The following OSBPL10 variants were observed in gnomAD, a reference collection of about 807,000 sequenced individuals.
The protein encoded by OSBPL10 is oxysterol binding protein like 10, also known as oxysterol-binding protein-related protein 10.
A neutral mutation model predicts 81.7 loss-of-function variants in OSBPL10; 49 were observed. The observed-to-expected ratio is 0.60, with a 90% CI of 0.48 to 0.76. The LOEUF is 0.76. Among genes scored for constraint, OSBPL10 ranks in the 30% least tolerant of loss-of-function variants. The pLI, the probability that OSBPL10 is intolerant of heterozygous loss-of-function variation, is 0.00. For synonymous variants in OSBPL10, 419 were observed against 383.6 expected (o/e 1.09, Z -1.08); for missense variants, 923 against 987.8 (o/e 0.93, Z 0.88).
chr3:31,711,321 G>A (rs114888138), intron 6 of OSBPL10, among the ~76,000 whole-genome samples: 1 of 152,332 alleles, frequency 6.6e-6, no homozygotes, highest in African/African-American at 2.4e-5. Flanking sequence ...GGACGTAGAG[G>A]CCATATACAA....
intron 2 of OSBPL10, among the ~76,000 whole-genome samples, chr3:32,023,797 C>T (rs1699379055): frequency 6.6e-6 from 1 of 152,026 alleles, no homozygotes; most frequent in African/African-American, 2.4e-5. Context: ...AGTACAGAAC[C>T]CTATACATTC....
chr3:31,849,622 T>C (rs1232196348), intron 3 of OSBPL10, among the ~76,000 whole-genome samples: 2 of 152,204 alleles, frequency 1.3e-5, no homozygotes, highest in African/African-American at 4.8e-5. Context: ...GAGATTGCTA[T>C]AACGTTGTTA....
At chr3:31,972,340 G>A (rs1263018420) in intron 1 of OSBPL10, among the ~76,000 whole-genome samples, 2 of 152,202 alleles carry the variant, frequency 1.3e-5, no homozygotes, top group African/African-American at 4.8e-5. Flanking sequence ...AGTGAGTGGA[G>A]ATCACGCCAC....
chr3:31,924,601 T>C (rs1445893974), intron 1 of OSBPL10, among the ~76,000 whole-genome samples: 1 of 152,176 alleles, frequency 6.6e-6, no homozygotes, highest in Non-Finnish European at 1.5e-5. Context: ...GAAACTATCT[T>C]AATCGGAGTA....
At chr3:31,814,433 G>T (rs1026635212) in intron 4 of OSBPL10, among the ~76,000 whole-genome samples, 1 of 152,180 alleles carries the variant, frequency 6.6e-6, no homozygotes, top group Non-Finnish European at 1.5e-5. Flanking sequence ...GATGTAATTA[G>T]TTAAGATTTG....
intron 4 of OSBPL10, among the ~76,000 whole-genome samples, chr3:31,797,120 G>A (rs960857972): frequency 4.0e-5 from 6 of 149,146 alleles, no homozygotes; most frequent in East Asian, 2.0e-4. Context: ...TCAGCCTCTC[G>A]AGTAGCTGGG....
At chr3:31,672,937 T>C (rs566915189) in intron 8 of OSBPL10, among the ~76,000 whole-genome samples, 17 of 152,310 alleles carry the variant, frequency 1.1e-4, no homozygotes, top group African/African-American at 4.1e-4. Context: ...ATTGAGTACA[T>C]TTAATGCAAA....
chr3:31,861,905 G>A (rs1019591796), intron 3 of OSBPL10, among the ~76,000 whole-genome samples: 5 of 152,078 alleles, frequency 3.3e-5, no homozygotes, highest in African/African-American at 1.2e-4. Context: ...CTGGAAGCCT[G>A]GATTTTGCTG....
intron 6 of OSBPL10, chr3:31,721,307 G>A (rs1696637131): frequency 6.6e-6 from 1 of 152,228 alleles, no homozygotes; most frequent in South Asian, 2.1e-4. Flanking sequence ...AGAACTGCAA[G>A]AGAATACATT....
intron 5 of OSBPL10, among the ~76,000 whole-genome samples, chr3:31,740,842 G>A (rs569837837): frequency 1.0e-5 from 1 of 97,792 alleles, no homozygotes; most frequent in South Asian, 2.7e-4. Context: ...AACTTAATAT[G>A]ACCACTACTA....
At chr3:31,921,255 C>G (rs908620897) in intron 1 of OSBPL10, among the ~76,000 whole-genome samples, 1 of 152,040 alleles carries the variant, frequency 6.6e-6, no homozygotes, top group East Asian at 1.9e-4. Context: ...TTTATGTCAG[C>G]TAAGAGGACC....
At chr3:31,777,200 T>C (rs540788285) in intron 4 of OSBPL10, among the ~76,000 whole-genome samples, 1 of 152,346 alleles carries the variant, frequency 6.6e-6, no homozygotes, top group East Asian at 1.9e-4. Context: ...TCAGATGACA[T>C]GCCCCTGGCT....
intron 4 of OSBPL10, among the ~76,000 whole-genome samples, chr3:31,808,496 C>T (rs896554656): frequency 1.3e-5 from 2 of 152,160 alleles, no homozygotes; most frequent in Non-Finnish European, 2.9e-5. Context: ...AATATGAGAA[C>T]AAGCAAATAC....
At chr3:31,743,045 T>G (rs896233303) in intron 5 of OSBPL10, among the ~76,000 whole-genome samples, 5 of 144,418 alleles carry the variant, frequency 3.5e-5, no homozygotes, top group East Asian at 2.0e-4. Flanking sequence ...TTTTTTTTTT[T>G]TTTTTTTTTT....
Position 31,733,332 on chromosome 3 carries a change from T to C in OSBPL10, c.1020A>G (p.Ser340=), listed in dbSNP as rs546090839. The change falls in exon 6 of 12, where the codon TCA becomes TCG. Residue 340 remains serine (S), a synonymous_variant. Coordinates refer to ENST00000396556, the MANE Select transcript of OSBPL10 (RefSeq NM_017784.5). ...TTGCCCAGGTTATGTTGGCACTGGC[T>C]GATGGCAAAGAGCCAAGTGTCCCAT... ...LKNGTLGSLP[S]ASANITWAIL... is the part of the protein sequence containing the mutation. The C allele has an allele frequency of 6.2e-7, 1 of 1,613,730 alleles. No individual in the cohort carries two copies. Among genetic ancestry groups the C allele is most frequent in the Admixed American group, 1.7e-5 (1 of 59,912 alleles).
At chr3:31,942,517 AG>A (rs1392439643) in intron 1 of OSBPL10, among the ~76,000 whole-genome samples, 1 of 119,042 alleles carries the variant, frequency 8.4e-6, no homozygotes, top group African/African-American at 3.4e-5. Context: ...CCTGGGCGAC[AG>A]GGTGAGACTC....
At chr3:31,971,139 C>CTTTTTTTTTTTTTTTTT (rs56785817) in intron 1 of OSBPL10, among the ~76,000 whole-genome samples, 1 of 119,354 alleles carries the variant, frequency 8.4e-6, no homozygotes. Context: ...TTTCTTTTTT[C>CTTTTTTTTTTTTTTTTT]TTTTTTTTTT....
intron 3 of OSBPL10, among the ~76,000 whole-genome samples, chr3:31,860,903 G>GT (rs1701043232): frequency 6.6e-6 from 1 of 151,042 alleles, no homozygotes. Context: ...TAGACACGGG[G>GT]TTTCATCATG....
chr3:31,674,462 A>C (rs1023723481), intron 8 of OSBPL10, among the ~76,000 whole-genome samples: 4 of 152,116 alleles, frequency 2.6e-5, no homozygotes, highest in Non-Finnish European at 4.4e-5. Flanking sequence ...TGGGAGGTTA[A>C]GATAGGAGGA....
Sources: allele counts gnomAD v4.1 joint callset (sites outside exome capture counted in the v4.1 genomes callset), GRCh38; gene constraint gnomAD v4.1.1; transcripts MANE v1.5; gene names NCBI Gene and HGNC (gene_info 2026-07-23, HGNC 2026-07-21).